DNAJC12: variants seen among roughly 807,000 people sequenced by gnomAD.
DNAJC12 encodes the protein DnaJ heat shock protein family (Hsp40) member C12, also known as dnaJ homolog subfamily C member 12.
DNAJC12 carries 25 observed loss-of-function variants against 28.5 expected under a neutral mutation model. That is an observed-to-expected ratio of 0.88 (90% CI 0.64 to 1.22). The LOEUF (loss-of-function observed/expected upper bound fraction) is 1.22. Ranked by LOEUF, DNAJC12 falls within the 50% of genes most tolerant of loss-of-function variation. The pLI, the probability that DNAJC12 is intolerant of heterozygous loss-of-function variation, is 0.00. For synonymous variants in DNAJC12, 77 were observed against 80.6 expected (o/e 0.95, Z 0.24); for missense variants, 222 against 231.7 (o/e 0.96, Z 0.27).
intron 4 of DNAJC12, among the ~76,000 whole-genome samples, chr10:67,800,420 A>G (rs1349761328): frequency 6.6e-6 from 1 of 152,122 alleles, no homozygotes; most frequent in East Asian, 1.9e-4. Flanking sequence ...ATCTCACATG[A>G]GGGGTGAAGG....
At chr10:67,824,096 C>T (rs1463113214) in intron 1 of DNAJC12, among the ~76,000 whole-genome samples, 1 of 151,950 alleles carries the variant, frequency 6.6e-6, no homozygotes, top group Non-Finnish European at 1.5e-5. Context: ...ATTAGCCAGA[C>T]ATGGTGGCAG....
intron 1 of DNAJC12, among the ~76,000 whole-genome samples, chr10:67,826,807 A>G (rs1326385910): frequency 1.5e-5 from 2 of 130,000 alleles, no homozygotes; most frequent in African/African-American, 5.8e-5. Context: ...CAGATATATA[A>G]TGATATATAT....
chr10:67,818,101 A>T (rs1410895156), intron 2 of DNAJC12, among the ~76,000 whole-genome samples: 2 of 130,668 alleles, frequency 1.5e-5, no homozygotes, highest in African/African-American at 2.7e-5. Flanking sequence ...GCTACTTGGG[A>T]GGCTGAGGTG....
intron 4 of DNAJC12, among the ~76,000 whole-genome samples, chr10:67,804,510 A>T (rs1841779460): frequency 6.6e-6 from 1 of 152,172 alleles, no homozygotes; most frequent in Admixed American, 6.5e-5. Flanking sequence ...ACAGGTGCAC[A>T]ACAATGCACC....
At chr10:67,806,938 G>A (rs1484767030) in intron 3 of DNAJC12, among the ~76,000 whole-genome samples, 2 of 152,042 alleles carry the variant, frequency 1.3e-5, no homozygotes, top group African/African-American at 2.4e-5. Context: ...AATTTTCTAT[G>A]AGAAGATTAT....
At chr10:67,802,838 CGTGTGTGTGTGT>C (rs71006167) in intron 4 of DNAJC12, among the ~76,000 whole-genome samples, 10 of 143,030 alleles carry the variant, frequency 7.0e-5, no homozygotes, top group African/African-American at 1.5e-4. Context: ...AGTTATTGTG[CGTGTGTGTGTGT>C]GTGTGTGTGT....
intron 1 of DNAJC12, among the ~76,000 whole-genome samples, chr10:67,832,257 C>T (rs1207022962): frequency 2.1e-5 from 3 of 144,304 alleles, no homozygotes; most frequent in Non-Finnish European, 4.5e-5. Flanking sequence ...AAGAGTGAAA[C>T]TCCATCTCAA....
intron 4 of DNAJC12, among the ~76,000 whole-genome samples, chr10:67,798,509 G>A (rs542714513): frequency 2.0e-5 from 3 of 150,616 alleles, no homozygotes; most frequent in South Asian, 4.2e-4. Flanking sequence ...GCAAAATCCC[G>A]TCTCTACAAA....
chr10:67,800,610 T>G (rs892854579), intron 4 of DNAJC12, among the ~76,000 whole-genome samples: 1 of 152,172 alleles, frequency 6.6e-6, no homozygotes, highest in African/African-American at 2.4e-5. Flanking sequence ...AGGAAGGTAG[T>G]GCCCAGGGAC....
At chr10:67,820,263 C>G (rs1564863794) in intron 2 of DNAJC12, among the ~76,000 whole-genome samples, 1 of 152,182 alleles carries the variant, frequency 6.6e-6, no homozygotes, top group Admixed American at 6.5e-5. Context: ...AATTAAGGTA[C>G]ACAGCATGAA....
At chr10:67,817,062 G>A (rs1251961393) in intron 2 of DNAJC12, among the ~76,000 whole-genome samples, 1 of 151,258 alleles carries the variant, frequency 6.6e-6, no homozygotes, top group Non-Finnish European at 1.5e-5. Flanking sequence ...TTTTTTTCAG[G>A]GAATAAAAGA....
intron 4 of DNAJC12, among the ~76,000 whole-genome samples, chr10:67,804,901 A>G (rs996020130): frequency 6.6e-6 from 1 of 152,118 alleles, no homozygotes; most frequent in Non-Finnish European, 1.5e-5. Flanking sequence ...GCATCATGGC[A>G]GGCGCCTGTA....
intron 1 of DNAJC12, among the ~76,000 whole-genome samples, chr10:67,835,259 G>A (rs1842131088): frequency 6.6e-6 from 1 of 152,154 alleles, no homozygotes. Flanking sequence ...GGCATGATGA[G>A]TTCTGGTTAA....
Position 67,805,631 on chromosome 10 carries a change from G to A in DNAJC12, c.454C>T (p.Pro152Ser). 1 of 1,613,340 alleles carries A rather than the reference G, an allele frequency of 6.2e-7. No homozygotes were observed. The highest frequency in any genetic ancestry group is 1.1e-5 in the South Asian group (1 of 90,964). Reference sequence around the variant, plus strand: ...GAGACTGACTTCTCTAGGGGCTTGGGTTCTTTCTGCTCCGTTTTCTCTGCG... The same window carrying A: ...GAGACTGACTTCTCTAGGGGCTTGGATTCTTTCTGCTCCGTTTTCTCTGCG... The part of the protein sequence containing the change: ...STAEKTEQKE[P>S]KPLEKSVSPQ... The change falls in exon 4 of 5, where the codon CCC becomes TCC. Residue 152 changes from proline (P) to serine (S), a missense_variant. Physicochemically the swap from Pro to Ser is moderately conservative, Grantham distance 74. Transcript: ENST00000225171.
chr10:67,799,483 A>G (rs2131785865), intron 4 of DNAJC12, among the ~76,000 whole-genome samples: 1 of 152,346 alleles, frequency 6.6e-6, no homozygotes, highest in South Asian at 2.1e-4. Context: ...AATATCGATA[A>G]TACATATTTC....
In DNAJC12 at chr10:67,819,660, G is replaced by GAGAAAGAAAGAAAGAA. The variant is rs60688341; in HGVS notation, c.157+3638_157+3653dup. ...ACAAAAAAAGAAAGAAAGAAAGAAA[G>GAGAAAGAAAGAAAGAA]AGAAAGAAAGAAAGAAAGAAAGAAA... On this transcript the variant is annotated intron_variant, in intron 2 of 4. Transcript: ENST00000225171. Among the ~76,000 whole-genome samples the GAGAAAGAAAGAAAGAA allele has an allele frequency of 1.1e-3, 37 of 34,926 alleles. 1 individual carries two copies. The highest frequency in any genetic ancestry group is 2.0e-3 in the African/African-American group (16 of 7,890). The allele number at this position is 34,926 out of a possible 152,430, so 22.9% of individuals were successfully genotyped here.
chr10:67,818,020 T>A (rs1189506693), intron 2 of DNAJC12, among the ~76,000 whole-genome samples: 2 of 152,098 alleles, frequency 1.3e-5, no homozygotes, highest in Non-Finnish European at 2.9e-5. Flanking sequence ...CTGGGCAACA[T>A]GGCAAAACCC....
chr10:67,797,822 C>T lies in DNAJC12; in HGVS notation c.503-612G>A, dbSNP rs188509091. ...TTGGGAGGCCAAGGCGGGCGGATCA[C>T]GAGGTCAGGAGATCAAGACCATCCT... On this transcript the variant is annotated intron_variant, in intron 4 of 4. Coordinates refer to ENST00000225171, the MANE Select transcript of DNAJC12 (RefSeq NM_021800.3). 9.8e-3 allele frequency among the ~76,000 whole-genome samples: 1,489 copies of T among 152,140 alleles called. 25 individuals carry two copies. The highest frequency in any genetic ancestry group is 0.034 in the African/African-American group (1,395 of 41,522).
intron 4 of DNAJC12, among the ~76,000 whole-genome samples, chr10:67,797,793 C>G (rs899946993): frequency 4.6e-5 from 7 of 152,156 alleles, no homozygotes; most frequent in African/African-American, 1.4e-4. Context: ...GTAATCCCAG[C>G]ACTTTGGGAG....
Sources: gnomAD v4.1 joint callset for allele counts (sites outside exome capture counted in the v4.1 genomes callset) on GRCh38, gnomAD v4.1.1 for gene constraint, MANE v1.5 for transcripts, NCBI Gene and HGNC (gene_info 2026-07-23, HGNC 2026-07-21) for gene names.